The following NRXN3 variants were observed in gnomAD, a reference collection of about 807,000 sequenced individuals.
NRXN3 encodes the protein neurexin 3, also known as neurexin III.
In NRXN3, 32 loss-of-function variants were observed where a neutral mutation model predicts 137.6. The ratio of observed to expected loss-of-function variants is 0.23; its 90% CI spans 0.18 to 0.31. The LOEUF (loss-of-function observed/expected upper bound fraction) is 0.31, where lower values mean the gene tolerates loss of function less well. NRXN3 is among the 10% of genes least tolerant of loss of function. NRXN3 has a pLI of 1.00. For synonymous variants in NRXN3, 798 were observed against 784.5 expected (o/e 1.02, Z -0.29); for missense variants, 1,574 against 2,062.5 (o/e 0.76, Z 4.59).
chr14:79,001,428 T>C (rs929585756), intron 15 of NRXN3, among the ~76,000 whole-genome samples: 6 of 152,212 alleles, frequency 3.9e-5, no homozygotes, highest in African/African-American at 1.4e-4. Context: ...AAGCTGTCCC[T>C]CGAACCACAT....
intron 15 of NRXN3, among the ~76,000 whole-genome samples, chr14:79,251,445 A>G (rs948395687): frequency 2.0e-5 from 3 of 152,298 alleles, no homozygotes; most frequent in Middle Eastern, 3.4e-3. Context: ...TGGAAAAATT[A>G]TGATGTCATT....
chr14:78,180,545 C>T (rs2059717711), intron 1 of NRXN3, among the ~76,000 whole-genome samples: 1 of 152,156 alleles, frequency 6.6e-6, no homozygotes, highest in Admixed American at 6.5e-5. Context: ...AACTATCTTG[C>T]CTGTGGCCGC....
chr14:78,451,093 T>C (rs1334505586), intron 4 of NRXN3, among the ~76,000 whole-genome samples: 2 of 152,170 alleles, frequency 1.3e-5, no homozygotes, highest in Non-Finnish European at 2.9e-5. Context: ...AGGGCCTGTC[T>C]CTGGCCACCT....
At chr14:78,393,204 T>A (rs1302024174) in intron 4 of NRXN3, among the ~76,000 whole-genome samples, 1 of 152,158 alleles carries the variant, frequency 6.6e-6, no homozygotes, top group Non-Finnish European at 1.5e-5. Flanking sequence ...TTACTTTTTT[T>A]AAAATTAAAC....
At chr14:79,792,684 T>G (rs1468313715) in intron 19 of NRXN3, among the ~76,000 whole-genome samples, 6 of 152,302 alleles carry the variant, frequency 3.9e-5, no homozygotes, top group Middle Eastern at 3.4e-3. Flanking sequence ...CAGCAGAGTT[T>G]GTGCTTATTG....
intron 16 of NRXN3, among the ~76,000 whole-genome samples, chr14:79,582,584 C>CA (rs1208889787): frequency 6.6e-6 from 1 of 151,532 alleles, no homozygotes; most frequent in Non-Finnish European, 1.5e-5. Flanking sequence ...CCACGCCCAG[C>CA]AATTTTTTTT....
At chr14:79,479,173 A>C (rs906383682) in intron 16 of NRXN3, among the ~76,000 whole-genome samples, 22 of 152,250 alleles carry the variant, frequency 1.4e-4, no homozygotes, top group African/African-American at 5.3e-4. Context: ...AGGTTACTAA[A>C]CTTTTTTGAA....
chr14:79,044,871 C>T (rs2099630676), intron 15 of NRXN3, among the ~76,000 whole-genome samples: 1 of 149,714 alleles, frequency 6.7e-6, no homozygotes. Context: ...CCATTCTCAG[C>T]ATTTTCTTCC....
chr14:78,307,554 G>A (rs2077496411), intron 4 of NRXN3, among the ~76,000 whole-genome samples: 1 of 152,044 alleles, frequency 6.6e-6, no homozygotes, highest in African/African-American at 2.4e-5. Flanking sequence ...CCCTGTTTTT[G>A]ATGAAGCGCA....
intron 15 of NRXN3, among the ~76,000 whole-genome samples, chr14:79,176,309 T>C (rs982303640): frequency 6.6e-6 from 1 of 152,232 alleles, no homozygotes; most frequent in African/African-American, 2.4e-5. Context: ...GAGGCACTGA[T>C]TGTAAACCTG....
chr14:79,629,614 A>G (rs2098322060), intron 16 of NRXN3, among the ~76,000 whole-genome samples: 1 of 152,214 alleles, frequency 6.6e-6, no homozygotes, highest in Admixed American at 6.5e-5. Context: ...GAAATCACAG[A>G]TTCCAAAAGG....
chr14:78,229,971 T>C (rs1320646296), intron 1 of NRXN3, among the ~76,000 whole-genome samples: 1 of 152,184 alleles, frequency 6.6e-6, no homozygotes, highest in African/African-American at 2.4e-5. Flanking sequence ...TTGACAAGGA[T>C]GCTAAGTTCA....
chr14:78,630,840 CG>C (rs1315714274), intron 4 of NRXN3, among the ~76,000 whole-genome samples: 3 of 152,026 alleles, frequency 2.0e-5, no homozygotes, highest in Non-Finnish European at 2.9e-5. Context: ...CTCCTGACCT[CG>C]TGGTCCGCCC....
At chr14:79,387,553 C>G (rs952671461) in intron 15 of NRXN3, among the ~76,000 whole-genome samples, 5 of 152,112 alleles carry the variant, frequency 3.3e-5, no homozygotes, top group Admixed American at 6.5e-5. Context: ...GGCGATTCCT[C>G]AGGGATCTAG....
At chr14:78,593,578 G>A (rs1377633329) in intron 4 of NRXN3, among the ~76,000 whole-genome samples, 1 of 152,176 alleles carries the variant, frequency 6.6e-6, no homozygotes, top group African/African-American at 2.4e-5. Flanking sequence ...CAATGTGGAT[G>A]TGCCTTGGCC....
intron 16 of NRXN3, among the ~76,000 whole-genome samples, chr14:79,530,735 T>G (rs2097162789): frequency 6.6e-6 from 1 of 152,134 alleles, no homozygotes; most frequent in Non-Finnish European, 1.5e-5. Flanking sequence ...GATTGCCACT[T>G]CCTCTTGTAC....
chr14:78,450,057 G>A (rs1336544201), intron 4 of NRXN3, among the ~76,000 whole-genome samples: 3 of 152,160 alleles, frequency 2.0e-5, no homozygotes, highest in Non-Finnish European at 2.9e-5. Context: ...CATATGGAAA[G>A]CTCATCAGGA....
intron 20 of NRXN3, chr14:79,853,398 AT>A (rs1197661398): frequency 8.2e-5 from 17 of 206,092 alleles, no homozygotes; most frequent in Non-Finnish European, 1.5e-4. Context: ...AACTGTAATA[AT>A]TTTTGGAGTA....
chr14:79,645,076 T>C (rs956001332), intron 16 of NRXN3, among the ~76,000 whole-genome samples: 5 of 135,840 alleles, frequency 3.7e-5, no homozygotes, highest in African/African-American at 1.2e-4. Flanking sequence ...ATTCTATCCA[T>C]GTTCAGGATT....
Sources: gnomAD v4.1 joint callset for allele counts (sites outside exome capture counted in the v4.1 genomes callset) on GRCh38, gnomAD v4.1.1 for gene constraint, MANE v1.5 for transcripts, NCBI Gene and HGNC (gene_info 2026-07-23, HGNC 2026-07-21) for gene names.